The following RERE variants were observed in gnomAD, a reference collection of about 807,000 sequenced individuals.
RERE encodes the protein arginine-glutamic acid dipeptide repeats protein.
In RERE, 40 loss-of-function variants were observed where a neutral mutation model predicts 146.1. The ratio of observed to expected loss-of-function variants is 0.27; its 90% confidence interval spans 0.21 to 0.36. The LOEUF is 0.36. Ranked by LOEUF, RERE falls within the 10% of genes least tolerant of loss-of-function variation. RERE has a pLI of 1.00. For missense variants in RERE, 1,933 were observed against 2,138.7 expected, an observed-to-expected ratio of 0.90 and a Z score of 1.90; for synonymous variants, 1,003 against 866.0, an observed-to-expected ratio of 1.16 and a Z score of -2.78.
chr1:8,488,657 C>A (rs1301919450), intron 10 of RERE, among the ~76,000 whole-genome samples: 1 of 152,166 alleles, frequency 6.6e-6, no homozygotes, highest in Non-Finnish European at 1.5e-5. Context: ...CAGAAAGACA[C>A]CCCTGAGGTC....
At chr1:8,595,288 T>A (rs962977714) in intron 4 of RERE, among the ~76,000 whole-genome samples, 1 of 151,468 alleles carries the variant, frequency 6.6e-6, no homozygotes, top group African/African-American at 2.4e-5. Flanking sequence ...AAAAAAAAAA[T>A]GCTAAAGCAT....
At chr1:8,619,764 T>C (rs541560153) in intron 3 of RERE, among the ~76,000 whole-genome samples, 2 of 152,338 alleles carry the variant, frequency 1.3e-5, no homozygotes, top group South Asian at 2.1e-4. Context: ...TGGGTTTCTA[T>C]AAAAATATGA....
At chr1:8,393,727 A>G (rs894736652) in intron 12 of RERE, among the ~76,000 whole-genome samples, 2 of 152,222 alleles carry the variant, frequency 1.3e-5, no homozygotes, top group African/African-American at 4.8e-5. Flanking sequence ...GAACTGGGCA[A>G]CTACATAATA....
At chr1:8,620,867 G>A (rs945592337) in intron 3 of RERE, among the ~76,000 whole-genome samples, 2 of 151,636 alleles carry the variant, frequency 1.3e-5, no homozygotes, top group Non-Finnish European at 2.9e-5. Flanking sequence ...CTCTCCATTT[G>A]TAAATAAGCC....
chr1:8,521,342 T>C (rs1360096207), intron 7 of RERE, among the ~76,000 whole-genome samples: 1 of 152,106 alleles, frequency 6.6e-6, no homozygotes, highest in Non-Finnish European at 1.5e-5. Flanking sequence ...AACAGGCTAT[T>C]AAAAATAAAA....
intron 12 of RERE, among the ~76,000 whole-genome samples, chr1:8,392,363 C>T: frequency 6.6e-6 from 1 of 152,238 alleles, no homozygotes; most frequent in Non-Finnish European, 1.5e-5. Flanking sequence ...TAAAAAAATC[C>T]TTTTATGCTT....
chr1:8,526,174 G>T, intron 7 of RERE: 1 of 624,040 alleles, frequency 1.6e-6, no homozygotes, highest in Non-Finnish European at 2.0e-6. Flanking sequence ...AACTGAGCAA[G>T]CCCAGCCATG....
intron 12 of RERE, among the ~76,000 whole-genome samples, chr1:8,374,760 C>T (rs1263107230): frequency 1.3e-5 from 2 of 152,162 alleles, no homozygotes; most frequent in African/African-American, 4.8e-5. Context: ...CTACCATATT[C>T]CTTTCTACCA....
chr1:8,707,804 T>G (rs912622038), intron 1 of RERE, among the ~76,000 whole-genome samples: 1 of 152,204 alleles, frequency 6.6e-6, no homozygotes, highest in Non-Finnish European at 1.5e-5. Context: ...AGGATTTGAT[T>G]TGTAACACAG....
At chr1:8,655,453 G>A (rs1039295407) in intron 2 of RERE, among the ~76,000 whole-genome samples, 14 of 152,044 alleles carry the variant, frequency 9.2e-5, no homozygotes, top group African/African-American at 2.9e-4. Flanking sequence ...GTCACCACCC[G>A]CCTCAGCCTC....
chr1:8,501,605 G>GC (rs1645158673), intron 8 of RERE, among the ~76,000 whole-genome samples: 1 of 112,812 alleles, frequency 8.9e-6, no homozygotes, highest in Non-Finnish European at 2.0e-5. Context: ...CGCCCCGTCC[G>GC]GGAGGGAGGT....
intron 12 of RERE, among the ~76,000 whole-genome samples, chr1:8,393,543 C>G (rs766156119): frequency 1.3e-5 from 2 of 152,200 alleles, no homozygotes; most frequent in Non-Finnish European, 2.9e-5. Flanking sequence ...GGTTGGTTTT[C>G]TAACAGCTCA....
chr1:8,627,339 G>A (rs552100450), intron 2 of RERE, among the ~76,000 whole-genome samples: 1 of 151,744 alleles, frequency 6.6e-6, no homozygotes, highest in Non-Finnish European at 1.5e-5. Context: ...TAGTGTGGGG[G>A]TTAAAAAAAA....
intron 6 of RERE, among the ~76,000 whole-genome samples, chr1:8,548,429 AT>A (rs1255147798): frequency 1.3e-5 from 2 of 152,224 alleles, no homozygotes; most frequent in East Asian, 3.8e-4. Flanking sequence ...ACCTAAATGT[AT>A]TACAAATAAA....
At chr1:8,619,255 C>G (rs1646890768) in intron 3 of RERE, among the ~76,000 whole-genome samples, 1 of 152,108 alleles carries the variant, frequency 6.6e-6, no homozygotes, top group Admixed American at 6.6e-5. Flanking sequence ...ATATGTCGAG[C>G]CCAGCTAACC....
intron 1 of RERE, among the ~76,000 whole-genome samples, chr1:8,813,550 G>T: frequency 6.6e-6 from 1 of 151,110 alleles, no homozygotes; most frequent in East Asian, 1.9e-4. Context: ...TTTCTGTTCA[G>T]TATCTGTTCA....
intron 1 of RERE, among the ~76,000 whole-genome samples, chr1:8,730,438 G>A (rs1408950059): frequency 4.6e-5 from 7 of 152,160 alleles, no homozygotes; most frequent in African/African-American, 1.7e-4. Context: ...CGCCTCCCGG[G>A]TTCACCCCAT....
Position 8,390,478 on chromosome 1 carries a change from T to C in RERE, c.1285-24504A>G, listed in dbSNP as rs529343388. Among the ~76,000 whole-genome samples the C allele has an allele frequency of 2.3e-4, 35 of 152,282 alleles. No individual in the cohort carries two copies. In the South Asian group the frequency reaches 6.6e-3, roughly 29 times the overall value. On this transcript the variant is annotated intron_variant, in intron 12 of 22. Coordinates refer to ENST00000400908, the MANE Select transcript of RERE (RefSeq NM_001042681.2). The stretch of plus-strand genomic sequence containing the variant: ...TGTCCCATAGTCCGAACTGTATCAA[T>C]AACTATAGGTAATATTTTGAACCCA...
At chr1:8,461,124 G>A (rs1248839140) in intron 11 of RERE, among the ~76,000 whole-genome samples, 1 of 152,058 alleles carries the variant, frequency 6.6e-6, no homozygotes, top group African/African-American at 2.4e-5. Flanking sequence ...TCGATTAGGT[G>A]CAGTTCAGCC....
Sources: allele counts gnomAD v4.1 joint callset (sites outside exome capture counted in the v4.1 genomes callset), GRCh38; gene constraint gnomAD v4.1.1; transcripts MANE v1.5; gene names NCBI Gene and HGNC (gene_info 2026-07-23, HGNC 2026-07-21).